The following PDE1C variants were observed in gnomAD, a reference collection of about 807,000 sequenced individuals.
PDE1C encodes dual specificity calcium/calmodulin-dependent 3',5'-cyclic nucleotide phosphodiesterase 1C.
PDE1C carries 62 observed loss-of-function variants against 93.1 expected under a neutral mutation model. The ratio of observed to expected loss-of-function variants is 0.67; its 90% CI spans 0.54 to 0.82. The LOEUF (loss-of-function observed/expected upper bound fraction) is 0.82, where lower values mean the gene tolerates loss of function less well. Ranked by LOEUF, PDE1C falls within the 40% of genes least tolerant of loss-of-function variation. The pLI, the probability that PDE1C is intolerant of heterozygous loss-of-function variation, is 0.00. For synonymous variants in PDE1C, 325 were observed against 310.1 expected (o/e 1.05, Z -0.50); for missense variants, 742 against 884.6 (o/e 0.84, Z 2.04).
intron 1 of PDE1C, among the ~76,000 whole-genome samples, chr7:32,054,900 G>T (rs767101778): frequency 1.3e-5 from 2 of 152,108 alleles, no homozygotes; most frequent in East Asian, 3.9e-4. Context: ...AGATTGGTGA[G>T]GCCTGACTGA....
rs139007260 is a variant in PDE1C at position 32,307,173 on chromosome 7, A to G, written c.311-97634T>C. Among the ~76,000 whole-genome samples the G allele has an allele frequency of 3.8e-3, 578 of 152,238 alleles. 4 individuals are homozygous for G. Among genetic ancestry groups the G allele is most frequent in the Middle Eastern group, 0.034 (10 of 294 alleles). On this transcript the variant is annotated intron_variant, in intron 1 of 1. Transcript: ENST00000672256. ...ATTCTCAGTGACCTAACACCACAAT[A>G]AAGATTTTTTTTTTCTTGCTCATTA...
At chr7:31,942,303 T>C (rs1401396984) in intron 2 of PDE1C, among the ~76,000 whole-genome samples, 1 of 152,154 alleles carries the variant, frequency 6.6e-6, no homozygotes, top group Non-Finnish European at 1.5e-5. Context: ...CCAGGAAAAG[T>C]ATCAGTTTCA....
chr7:32,346,416 G>A (rs1233768391), intron 1 of PDE1C, among the ~76,000 whole-genome samples: 1 of 152,240 alleles, frequency 6.6e-6, no homozygotes, highest in Non-Finnish European at 1.5e-5. Flanking sequence ...CCTGGCCCCA[G>A]CCAAGCTACA....
intron 2 of PDE1C, among the ~76,000 whole-genome samples, chr7:31,973,157 T>C (rs998500456): frequency 1.3e-5 from 2 of 151,540 alleles, no homozygotes; most frequent in African/African-American, 4.9e-5. Flanking sequence ...CAAATATATG[T>C]GACAGAGGAA....
Position 31,751,323 on chromosome 7 carries a change from G to T in PDE1C, c.*2061C>A, listed in dbSNP as rs1315283304. 2 of 152,064 alleles carry T rather than the reference G, an allele frequency of 1.3e-5. No individual in the cohort carries two copies. The highest frequency in any genetic ancestry group is 2.4e-5 in the African/African-American group (1 of 41,406). The allele number at this position is 152,064 out of a possible 1,614,324, so 9.4% of individuals were successfully genotyped here. A position where few individuals can be genotyped will look rare whatever the true frequency, so the allele number is the denominator to read the frequency against. On this transcript the variant is annotated 3_prime_UTR_variant, in exon 18 of 18. Coordinates refer to ENST00000396191, the MANE Select transcript of PDE1C (RefSeq NM_001191057.4). ...TTGCTCCATTAAAATATTAGCAAAG[G>T]TTGAAAAAAACTCACATCTTAGGAG... is the stretch of plus-strand genomic sequence containing the variant.
intron 1 of PDE1C, chr7:32,052,463 A>G (rs1167851871): frequency 4.8e-6 from 2 of 420,462 alleles, no homozygotes; most frequent in Admixed American, 2.5e-5. Context: ...GACTCTGAAG[A>G]CCCTTAAAAG....
chr7:32,034,952 A>G (rs923105668), intron 2 of PDE1C, among the ~76,000 whole-genome samples: 3 of 152,196 alleles, frequency 2.0e-5, no homozygotes, highest in Non-Finnish European at 4.4e-5. Flanking sequence ...CATGATTATC[A>G]TGCATCTTCA....
At chr7:32,325,909 A>G (rs892156335) in intron 1 of PDE1C, among the ~76,000 whole-genome samples, 9 of 152,234 alleles carry the variant, frequency 5.9e-5, no homozygotes, top group Non-Finnish European at 1.0e-4. Context: ...TAGACCATTT[A>G]AGAAACGATT....
At chr7:32,084,744 G>A (rs1457556187) in intron 3 of PDE1C, among the ~76,000 whole-genome samples, 1 of 126,382 alleles carries the variant, frequency 7.9e-6, no homozygotes, top group African/African-American at 2.8e-5. Flanking sequence ...ACCTGCTCCT[G>A]AATGACTACT....
At chr7:32,281,325 C>T (rs1344645489) in intron 1 of PDE1C, among the ~76,000 whole-genome samples, 2 of 152,060 alleles carry the variant, frequency 1.3e-5, no homozygotes, top group African/African-American at 4.8e-5. Flanking sequence ...GGCTAAAATG[C>T]CTATTTGCAA....
At chr7:31,739,385 A>G in the PDE1C span, among the ~76,000 whole-genome samples, 1 of 152,144 alleles carries the variant, frequency 6.6e-6, no homozygotes, top group African/African-American at 2.4e-5. Context: ...AATCTACGCC[A>G]TGGGTGAGAG....
intron 1 of PDE1C, among the ~76,000 whole-genome samples, chr7:32,251,677 C>A (rs879856756): frequency 1.3e-5 from 2 of 152,176 alleles, no homozygotes; most frequent in Admixed American, 1.3e-4. Flanking sequence ...GAGAATAATA[C>A]ACACACTGAA....
chr7:31,743,558 TG>T, the PDE1C span, among the ~76,000 whole-genome samples: 5 of 148,162 alleles, frequency 3.4e-5, no homozygotes, highest in East Asian at 9.9e-4. Context: ...GAGGATGCAG[TG>T]TGTGTGTGTG....
intron 2 of PDE1C, among the ~76,000 whole-genome samples, chr7:31,999,633 G>A (rs904034787): frequency 3.5e-4 from 53 of 152,118 alleles, no homozygotes; most frequent in Admixed American, 3.5e-3. Context: ...AGAGTAAAAG[G>A]CACTCTACAT....
chr7:31,866,946 C>T (rs1056538532), intron 6 of PDE1C, among the ~76,000 whole-genome samples: 5 of 152,062 alleles, frequency 3.3e-5, no homozygotes, highest in Admixed American at 3.3e-4. Flanking sequence ...TTGCTCCATA[C>T]AGGGAGCTCA....
intron 3 of PDE1C, among the ~76,000 whole-genome samples, chr7:32,082,428 G>A (rs1360221830): frequency 1.1e-4 from 16 of 152,330 alleles, no homozygotes; most frequent in Non-Finnish European, 2.1e-4. Context: ...TCCACCTCTG[G>A]GGACAGGGCA....
intron 5 of PDE1C, among the ~76,000 whole-genome samples, chr7:31,875,777 A>G (rs1316821187): frequency 7.7e-6 from 1 of 130,196 alleles, no homozygotes; most frequent in Non-Finnish European, 1.6e-5. Context: ...GAACACCTCA[A>G]GTTAGAAGCT....
In PDE1C at chr7:31,752,442, T is replaced by G. The variant is rs564066053; in HGVS notation, c.*942A>C. On this transcript the variant is annotated 3_prime_UTR_variant, in exon 18 of 18. Transcript: ENST00000396191. ...TGTGAAGAGGATCTGAAATGTAACT[T>G]AAAGGCATCTCTAGCCTAGTTTAAA... The G allele has an allele frequency of 4.9e-4, 75 of 152,188 alleles. No homozygotes were observed. The highest frequency in any genetic ancestry group is 1.7e-3 in the African/African-American group (70 of 41,550). 9.4% of individuals were successfully genotyped at this position (152,188 alleles called of 1,614,324 possible).
At chr7:31,635,232 A>AC in the PDE1C span, among the ~76,000 whole-genome samples, 1 of 152,204 alleles carries the variant, frequency 6.6e-6, no homozygotes, top group Admixed American at 6.5e-5. Context: ...TAGAATTTGG[A>AC]AATCCTACAT....
Sources: gnomAD v4.1 joint callset for allele counts (sites outside exome capture counted in the v4.1 genomes callset) on GRCh38, gnomAD v4.1.1 for gene constraint, MANE v1.5 for transcripts, NCBI Gene and HGNC (gene_info 2026-07-23, HGNC 2026-07-21) for gene names.